The following SPATA17 variants were observed in gnomAD, a reference collection of about 807,000 sequenced individuals.
The protein encoded by SPATA17 is spermatogenesis-associated protein 17.
In SPATA17, 53 loss-of-function variants were observed where a neutral mutation model predicts 62.2. That is an observed-to-expected ratio of 0.85 (90% CI 0.68 to 1.07). The LOEUF (loss-of-function observed/expected upper bound fraction) is 1.07, where lower values mean the gene tolerates loss of function less well. Ranked by LOEUF, SPATA17 falls within the 50% of genes least tolerant of loss-of-function variation. SPATA17 has a pLI of 0.00. For missense variants in SPATA17, 466 were observed against 425.5 expected (o/e 1.10, Z -0.84); for synonymous variants, 146 against 146.8 (o/e 0.99, Z 0.04).
intron 5 of SPATA17, among the ~76,000 whole-genome samples, chr1:217,730,931 A>G (rs1387032479): frequency 6.6e-6 from 1 of 152,152 alleles, no homozygotes; most frequent in East Asian, 1.9e-4. Flanking sequence ...TTACATTATT[A>G]TGAAACTCTA....
At chr1:217,766,409 C>G (rs1447310542) in intron 6 of SPATA17, among the ~76,000 whole-genome samples, 1 of 151,762 alleles carries the variant, frequency 6.6e-6, no homozygotes, top group Non-Finnish European at 1.5e-5. Flanking sequence ...GCAACTCATC[C>G]AACTCCACTT....
intron 9 of SPATA17, among the ~76,000 whole-genome samples, chr1:217,853,847 T>A (rs143241739): frequency 6.6e-5 from 10 of 152,316 alleles, no homozygotes; most frequent in Non-Finnish European, 1.5e-4. Context: ...CTAGCATGTA[T>A]GTTCTCTACA....
intron 9 of SPATA17, among the ~76,000 whole-genome samples, chr1:217,814,426 C>A (rs1674666096): frequency 6.6e-6 from 1 of 152,146 alleles, no homozygotes; most frequent in Non-Finnish European, 1.5e-5. Context: ...TGCAGCTGTA[C>A]ACTGTGGTGG....
chr1:217,690,177 A>T (rs577040037), intron 5 of SPATA17, among the ~76,000 whole-genome samples: 1 of 152,242 alleles, frequency 6.6e-6, no homozygotes, highest in East Asian at 1.9e-4. Flanking sequence ...TACTGGGACT[A>T]TAGGCGTGAG....
chr1:217,690,473 ATTTTTT>A (rs60737502), intron 5 of SPATA17, among the ~76,000 whole-genome samples: 25 of 79,530 alleles, frequency 3.1e-4, no homozygotes, highest in African/African-American at 1.2e-3. Flanking sequence ...TTTATTTTTT[ATTTTTT>A]TTTTTTTTAA....
chr1:217,785,540 C>G (rs926467624), intron 8 of SPATA17, among the ~76,000 whole-genome samples: 1 of 152,248 alleles, frequency 6.6e-6, no homozygotes, highest in East Asian at 1.9e-4. Context: ...AGGCAAAAAT[C>G]TGCCCGCATG....
intron 9 of SPATA17, among the ~76,000 whole-genome samples, chr1:217,858,033 T>G (rs1351713615): frequency 1.3e-5 from 2 of 152,174 alleles, no homozygotes; most frequent in Admixed American, 6.6e-5. Flanking sequence ...TTATATCAGA[T>G]GAGTCCAAAA....
rs149112139 is a variant in SPATA17, at chr1:217,804,525, C to G, written c.1005+2675C>G. ...ACCCCAAAAGTATAGGCAACAAAAG[C>G]AAAAATAGACAAATAGAATTGCATC... On this transcript the variant is annotated intron_variant, in intron 9 of 10. Coordinates refer to ENST00000366933, the MANE Select transcript of SPATA17 (RefSeq NM_138796.4). 1.4e-3 allele frequency among the ~76,000 whole-genome samples: 209 copies of G among 151,918 alleles called. 2 individuals are homozygous for G. The highest frequency in any genetic ancestry group is 4.2e-3 in the African/African-American group (176 of 41,450).
At chr1:217,819,915 T>G (rs1488937248) in intron 9 of SPATA17, among the ~76,000 whole-genome samples, 1 of 152,068 alleles carries the variant, frequency 6.6e-6, no homozygotes, top group Non-Finnish European at 1.5e-5. Context: ...ACTGAACACC[T>G]TCTATGAGGC....
intron 5 of SPATA17, among the ~76,000 whole-genome samples, chr1:217,735,406 C>A (rs988953913): frequency 6.6e-6 from 1 of 152,140 alleles, no homozygotes; most frequent in Non-Finnish European, 1.5e-5. Flanking sequence ...GCACTAATCC[C>A]ATTCAATGGG....
chr1:217,705,241 C>A (rs1671704973), intron 5 of SPATA17, among the ~76,000 whole-genome samples: 1 of 150,772 alleles, frequency 6.6e-6, no homozygotes. Context: ...GCCCACTTTT[C>A]ATTGGGATTG....
chr1:217,800,932 T>A (rs1249805713), intron 8 of SPATA17, among the ~76,000 whole-genome samples: 1 of 152,320 alleles, frequency 6.6e-6, no homozygotes, highest in East Asian at 1.9e-4. Context: ...TTAGATGTTC[T>A]GTGAGAGTTT....
intron 6 of SPATA17, among the ~76,000 whole-genome samples, chr1:217,743,276 C>A (rs6661564): frequency 6.6e-6 from 1 of 151,658 alleles, no homozygotes; most frequent in Admixed American, 6.6e-5. Context: ...AATATTTTAA[C>A]TTTTCATTAT....
intron 5 of SPATA17, among the ~76,000 whole-genome samples, chr1:217,718,504 C>G (rs1459646424): frequency 6.6e-6 from 1 of 152,172 alleles, no homozygotes; most frequent in Non-Finnish European, 1.5e-5. Context: ...TGTACTTGAA[C>G]TTAGAAGGTC....
chr1:217,705,165 C>G (rs144026753), intron 5 of SPATA17, among the ~76,000 whole-genome samples: 1 of 152,194 alleles, frequency 6.6e-6, no homozygotes, highest in East Asian at 1.9e-4. Context: ...TGATGTTGAG[C>G]ATTTTTTCAT....
chr1:217,777,186 C>T (rs757097110), intron 7 of SPATA17, among the ~76,000 whole-genome samples: 4 of 152,074 alleles, frequency 2.6e-5, no homozygotes, highest in Admixed American at 6.6e-5. Context: ...TGTTGTGTTT[C>T]CATTCTCTAT....
intron 9 of SPATA17, among the ~76,000 whole-genome samples, 161 bp downstream of exon 9, chr1:217,802,011 GA>G (rs1220411204): frequency 6.6e-6 from 1 of 151,058 alleles, no homozygotes; most frequent in Non-Finnish European, 1.5e-5. Context: ...ACCTATGTAA[GA>G]TTTTTTTTTT....
At chr1:217,697,660 A>C (rs1463406015) in intron 5 of SPATA17, among the ~76,000 whole-genome samples, 1 of 151,888 alleles carries the variant, frequency 6.6e-6, no homozygotes, top group Non-Finnish European at 1.5e-5. Context: ...AATAGTTAAG[A>C]TTTTTAGATT....
At chr1:217,670,718 C>T (rs934725784) in intron 4 of SPATA17, among the ~76,000 whole-genome samples, 7 of 151,984 alleles carry the variant, frequency 4.6e-5, no homozygotes, top group East Asian at 3.9e-4. Context: ...TGAGAGGCCA[C>T]GGAGGGTGGA....
Sources: allele counts gnomAD v4.1 joint callset (sites outside exome capture counted in the v4.1 genomes callset), GRCh38; gene constraint gnomAD v4.1.1; transcripts MANE v1.5; gene names NCBI Gene and HGNC (gene_info 2026-07-23, HGNC 2026-07-21).